The following RGS5 variants were observed in gnomAD, a reference collection of about 807,000 sequenced individuals.
RGS5 encodes regulator of G-protein signalling 5.
Under a neutral mutation model 18.9 loss-of-function variants are expected in RGS5, and 20 were observed. The observed-to-expected ratio is 1.06, with a 90% confidence interval of 0.74 to 1.54. The LOEUF (loss-of-function observed/expected upper bound fraction) is 1.54, where lower values mean the gene tolerates loss of function less well. Ranked by LOEUF, RGS5 falls within the 40% of genes most tolerant of loss-of-function variation. RGS5 has a pLI of 0.00. For synonymous variants in RGS5, 57 were observed against 76.2 expected, an observed-to-expected ratio of 0.75 and a Z score of 1.31; for missense variants, 201 against 211.8, an observed-to-expected ratio of 0.95 and a Z score of 0.32.
rs773863537 is a variant in RGS5 at position 163,144,468 on chromosome 1, C to T, written c.*2874G>A. 6.6e-6 allele frequency: 1 copy of T among 152,362 alleles called. No individual in the cohort carries two copies. Among genetic ancestry groups the T allele is most frequent in the African/African-American group, 2.4e-5 (1 of 41,404 alleles). 9.4% of individuals were successfully genotyped at this position (152,362 alleles called of 1,614,324 possible). A position where few individuals can be genotyped will look rare whatever the true frequency, so the allele number is the denominator to read the frequency against. On this transcript the variant is annotated 3_prime_UTR_variant, in exon 5 of 5. Coordinates refer to ENST00000313961, the MANE Select transcript of RGS5 (RefSeq NM_003617.4). ...AGGTTTTTTTCTCAAGAGTGAGAAC[C>T]ATATTCTCCTATTTCCATTGACCAC... is the stretch of plus-strand genomic sequence containing the variant.
rs183568699 is a variant in RGS5, at chr1:163,195,170, T to C, written c.44+7622A>G. On this transcript the variant is annotated intron_variant, in intron 1 of 4. Coordinates refer to ENST00000313961, the MANE Select transcript of RGS5 (RefSeq NM_003617.4). ...GCAGCACCATTTGCAGTTGCAAAGA[T>C]ATAGAACTAACCTACGTGCCCATCG... is the stretch of plus-strand genomic sequence containing the variant. 1.1e-4 allele frequency among the ~76,000 whole-genome samples: 16 copies of C among 152,296 alleles called. No individual in the cohort carries two copies. The East Asian group carries it at 2.9e-3, about 28-fold the overall frequency.
chr1:163,253,169 G>C (rs1426954175), intron 2 of RGS5, among the ~76,000 whole-genome samples: 3 of 152,142 alleles, frequency 2.0e-5, no homozygotes, highest in Admixed American at 6.6e-5. Flanking sequence ...TAGAATCAAA[G>C]TGTTGAAGCA....
chr1:163,231,976 A>AT (rs1378403762), intron 2 of RGS5, among the ~76,000 whole-genome samples: 5 of 147,414 alleles, frequency 3.4e-5, no homozygotes, highest in African/African-American at 1.4e-4. Context: ...TGCAAAGAAA[A>AT]TAAAAAAAAA....
intron 1 of RGS5, among the ~76,000 whole-genome samples, chr1:163,214,811 G>A (rs77734508): frequency 1.3e-4 from 20 of 152,266 alleles, no homozygotes; most frequent in African/African-American, 4.3e-4. Context: ...AATGGGTAAT[G>A]TAGCAAACAT....
chr1:163,314,030 T>C (rs1003677897), intron 1 of RGS5, among the ~76,000 whole-genome samples: 1 of 151,594 alleles, frequency 6.6e-6, no homozygotes, highest in African/African-American at 2.4e-5. Flanking sequence ...TGTGTGTGTG[T>C]GTGTTTATAA....
At chr1:163,160,959 T>C (rs1657774571) in intron 3 of RGS5, among the ~76,000 whole-genome samples, 2 of 152,186 alleles carry the variant, frequency 1.3e-5, no homozygotes, top group Non-Finnish European at 2.9e-5. Context: ...TTATAACCTA[T>C]CATAGAAGTG....
chr1:163,183,450 A>T lies in RGS5; in HGVS notation c.45-15082T>A, dbSNP rs1314730578. On this transcript the variant is annotated intron_variant, in intron 1 of 4. Coordinates refer to ENST00000313961, the MANE Select transcript of RGS5 (RefSeq NM_003617.4). ...CCTGACCTGAAATTGCTTTCATTTT[A>T]CAAAGGAGACATGTATAGATGCTTT... Among the ~76,000 whole-genome samples, 3 of 152,250 alleles carry T rather than the reference A, an allele frequency of 2.0e-5. No homozygotes were observed. The East Asian group carries it at 5.8e-4, about 29-fold the overall frequency.
At chr1:163,291,511 C>T (rs950058478) in intron 2 of RGS5, among the ~76,000 whole-genome samples, 2 of 151,898 alleles carry the variant, frequency 1.3e-5, no homozygotes, top group African/African-American at 4.8e-5. Context: ...GACAGCCGGC[C>T]ATGATTCTAG....
intron 1 of RGS5, among the ~76,000 whole-genome samples, chr1:163,181,309 T>C (rs546245557): frequency 2.0e-5 from 3 of 152,222 alleles, no homozygotes; most frequent in Non-Finnish European, 2.9e-5. Context: ...AAGCACACCA[T>C]CTTTTTCTCC....
At chr1:163,254,550 G>A (rs1002879239) in intron 2 of RGS5, among the ~76,000 whole-genome samples, 11 of 152,114 alleles carry the variant, frequency 7.2e-5, no homozygotes, top group African/African-American at 9.6e-5. Context: ...GATATTAGCC[G>A]TTTGTCAGTT....
chr1:163,220,660 A>C (rs1196251040), upstream of RGS5, among the ~76,000 whole-genome samples: 2 of 152,168 alleles, frequency 1.3e-5, no homozygotes, highest in Non-Finnish European at 2.9e-5. Flanking sequence ...TCCATGTCCT[A>C]GTTCAAAGAA....
At chr1:163,153,321 A>G (rs1260025984) in intron 3 of RGS5, among the ~76,000 whole-genome samples, 1 of 152,156 alleles carries the variant, frequency 6.6e-6, no homozygotes, top group Non-Finnish European at 1.5e-5. Context: ...GAAAATGAAG[A>G]AACAGAAGAA....
rs77354765 is a variant in RGS5 at position 163,261,572 on chromosome 1, C to A, written c.-281+44661G>T. The stretch of plus-strand genomic sequence containing the variant: ...TGTTCTCAACAACTCCCTTCTAGTA[C>A]CCTTTCCCTTCCCAAACCTGGAGGA... On this transcript the variant is annotated intron_variant, in intron 2 of 5. Transcript: ENST00000618415. 5.0e-3 allele frequency among the ~76,000 whole-genome samples: 758 copies of A among 152,262 alleles called. 4 individuals carry two copies. The highest frequency in any genetic ancestry group is 0.017 in the African/African-American group (706 of 41,558).
At chr1:163,203,077 T>C (rs570368305), upstream of RGS5, 1 of 484,562 alleles carries the variant, frequency 2.1e-6, no homozygotes, top group African/African-American at 1.9e-5. Flanking sequence ...GGCACTACTG[T>C]GGCATAAGGC....
intron 2 of RGS5, among the ~76,000 whole-genome samples, chr1:163,243,422 T>C (rs2345183): frequency 0.2 from 30,016 of 151,360 alleles, 3,400 homozygotes; most frequent in Non-Finnish European, 0.25. Context: ...CCGAGCGGGG[T>C]GGATCACGAG....
intron 2 of RGS5, among the ~76,000 whole-genome samples, chr1:163,250,251 A>C (rs928367628): frequency 2.6e-5 from 4 of 152,238 alleles, no homozygotes; most frequent in Non-Finnish European, 4.4e-5. Flanking sequence ...TAGCAGATTT[A>C]ATCTTTTGGA....
chr1:163,229,019 A>G (rs1462427837), intron 2 of RGS5, among the ~76,000 whole-genome samples: 2 of 152,184 alleles, frequency 1.3e-5, no homozygotes, highest in South Asian at 4.1e-4. Context: ...TCTTCTTCTG[A>G]GTCCTCCAAA....
intron 2 of RGS5, among the ~76,000 whole-genome samples, chr1:163,290,569 C>A (rs553080716): frequency 8.6e-5 from 13 of 151,526 alleles, no homozygotes; most frequent in Admixed American, 6.6e-4. Context: ...TTATAATAAA[C>A]CCCACATTAA....
At chr1:163,293,387 G>A (rs1581028) in intron 2 of RGS5, among the ~76,000 whole-genome samples, 3,459 of 152,246 alleles carry the variant, frequency 0.023, 44 homozygotes, top group African/African-American at 0.032. Context: ...GAGAAAGAGC[G>A]AGGGGAGGAA....
Sources: allele counts gnomAD v4.1 joint callset (sites outside exome capture counted in the v4.1 genomes callset), GRCh38; gene constraint gnomAD v4.1.1; transcripts MANE v1.5; gene names NCBI Gene and HGNC (gene_info 2026-07-23, HGNC 2026-07-21).